Variants in LINGO2 observed in about 807,000 individuals in gnomAD.
The protein encoded by LINGO2 is leucine-rich repeat and immunoglobulin-like domain-containing nogo receptor-interacting protein 2.
LINGO2 carries 14 observed loss-of-function variants against 30.6 expected under a neutral mutation model. The ratio of observed to expected loss-of-function variants is 0.46; its 90% CI spans 0.30 to 0.72. The LOEUF (loss-of-function observed/expected upper bound fraction) is 0.72, where lower values mean the gene tolerates loss of function less well. Ranked by LOEUF, LINGO2 falls within the 30% of genes least tolerant of loss-of-function variation. LINGO2 has a pLI of 0.07. For missense variants in LINGO2, 729 were observed against 751.7 expected, an observed-to-expected ratio of 0.97 and a Z score of 0.35; for synonymous variants, 317 against 288.5, an observed-to-expected ratio of 1.10 and a Z score of -1.00.
chr9:28,876,841 G>A, the LINGO2 span, among the ~76,000 whole-genome samples: 1 of 151,898 alleles, frequency 6.6e-6, no homozygotes, highest in Non-Finnish European at 1.5e-5. Flanking sequence ...CTTCCACAAT[G>A]GTTGAACTAG....
chr9:28,032,042 G>T (rs74894939), intron 4 of LINGO2, among the ~76,000 whole-genome samples: 44 of 97,228 alleles, frequency 4.5e-4, no homozygotes, highest in East Asian at 2.0e-3. Context: ...AATGAGGGGT[G>T]GGGGGGGAAA....
At chr9:29,163,861 A>C in the LINGO2 span, among the ~76,000 whole-genome samples, 67 of 152,132 alleles carry the variant, frequency 4.4e-4, no homozygotes, top group African/African-American at 1.6e-3. Flanking sequence ...CCCATCTTAC[A>C]TGTTACTCTA....
chr9:29,184,991 G>A, the LINGO2 span, among the ~76,000 whole-genome samples: 9 of 152,012 alleles, frequency 5.9e-5, no homozygotes. Context: ...TCTTTTCATT[G>A]TTGTTGTTGT....
the LINGO2 span, among the ~76,000 whole-genome samples, chr9:28,854,579 C>T: frequency 6.6e-6 from 1 of 151,856 alleles, no homozygotes; most frequent in South Asian, 2.1e-4. Context: ...GGTAGTATCC[C>T]TTAGCCACAA....
At chr9:28,558,227 C>T (rs1822854608) in intron 1 of LINGO2, among the ~76,000 whole-genome samples, 3 of 150,316 alleles carry the variant, frequency 2.0e-5, no homozygotes, top group Non-Finnish European at 3.0e-5. Flanking sequence ...TAGCTGATTT[C>T]GTTCTACTTA....
At chr9:28,426,172 T>C (rs1823402562) in intron 2 of LINGO2, among the ~76,000 whole-genome samples, 1 of 151,922 alleles carries the variant, frequency 6.6e-6, no homozygotes, top group African/African-American at 2.4e-5. Flanking sequence ...CTTGCTACAA[T>C]ACAACGACAA....
chr9:28,064,465 A>G (rs565697393), intron 4 of LINGO2, among the ~76,000 whole-genome samples: 1 of 152,234 alleles, frequency 6.6e-6, no homozygotes, highest in East Asian at 1.9e-4. Flanking sequence ...GTAACCTAAT[A>G]AGCTCCAACT....
chr9:28,420,658 T>A (rs1370927332), intron 2 of LINGO2, among the ~76,000 whole-genome samples: 1 of 152,090 alleles, frequency 6.6e-6, no homozygotes, highest in African/African-American at 2.4e-5. Flanking sequence ...TATAGTACCA[T>A]TTGTTCTCTA....
At chr9:28,283,986 C>T (rs1256176254) in intron 4 of LINGO2, among the ~76,000 whole-genome samples, 1 of 152,010 alleles carries the variant, frequency 6.6e-6, no homozygotes. Context: ...TACAATGTTC[C>T]ATTTGCTCAC....
the LINGO2 span, among the ~76,000 whole-genome samples, chr9:29,183,739 C>A: frequency 6.6e-6 from 1 of 152,084 alleles, no homozygotes; most frequent in South Asian, 2.1e-4. Flanking sequence ...GTTCTGTTCA[C>A]ATAAAGTCCC....
chr9:28,865,044 C>A, the LINGO2 span, among the ~76,000 whole-genome samples: 1 of 151,886 alleles, frequency 6.6e-6, no homozygotes, highest in Non-Finnish European at 1.5e-5. Flanking sequence ...TAAGGGAATA[C>A]CATATATAAG....
the LINGO2 span, among the ~76,000 whole-genome samples, chr9:29,028,513 C>T: frequency 6.6e-5 from 10 of 151,796 alleles, no homozygotes; most frequent in Non-Finnish European, 1.3e-4. Flanking sequence ...TTCAGTTATC[C>T]TTTGAAATGT....
At chr9:28,372,662 G>A (rs2134578254) in intron 3 of LINGO2, among the ~76,000 whole-genome samples, 174 bp downstream of exon 5, 1 of 152,150 alleles carries the variant, frequency 6.6e-6, no homozygotes, top group Non-Finnish European at 1.5e-5. Flanking sequence ...TTGCTAAGAG[G>A]ATAAATTTCA....
At position 28,352,159 on chromosome 9, in the gene LINGO2, G is replaced by A. The variant is rs1433154630; in HGVS notation, c.-246+20677C>T. Among the ~76,000 whole-genome samples the A allele has an allele frequency of 1.6e-4, 24 of 151,780 alleles. No individual in the cohort carries two copies. In the East Asian group the frequency reaches 4.5e-3, roughly 28 times the overall value. On this transcript the variant is annotated intron_variant, in intron 3 of 5. Coordinates refer to ENST00000379992, the Ensembl canonical transcript of LINGO2. ...TTGGAAGTTCTGGCCAGGGCTATTA[G>A]GCAGGAGAAGGAAATAAAGGGTATT...
chr9:27,991,323 C>G (rs1295024858), intron 5 of LINGO2, among the ~76,000 whole-genome samples: 1 of 152,032 alleles, frequency 6.6e-6, no homozygotes, highest in Admixed American at 6.6e-5. Flanking sequence ...AGTAATTTTT[C>G]TCTCCCGGAT....
At chr9:28,811,697 T>A in the LINGO2 span, among the ~76,000 whole-genome samples, 27 of 152,290 alleles carry the variant, frequency 1.8e-4, no homozygotes, top group Middle Eastern at 3.4e-3. Context: ...CATTCTAAAT[T>A]TAGCTTAAAT....
chr9:28,814,968 G>C, the LINGO2 span, among the ~76,000 whole-genome samples: 1 of 152,164 alleles, frequency 6.6e-6, no homozygotes, highest in Non-Finnish European at 1.5e-5. Context: ...TGGTTAGAAA[G>C]TGTCCCTAAA....
chr9:28,444,791 T>C (rs1824358256), intron 2 of LINGO2, among the ~76,000 whole-genome samples: 1 of 152,180 alleles, frequency 6.6e-6, no homozygotes, highest in African/African-American at 2.4e-5. Context: ...CCTGGCTGTG[T>C]GCAGTAGTCA....
chr9:27,949,483 G>C, exon 6 of LINGO2: 1 of 1,614,114 alleles, frequency 6.2e-7, no homozygotes, highest in South Asian at 1.1e-5. Flanking sequence ...GCAGTGCTAT[G>C]GAAATCCTTG....
Sources: allele counts gnomAD v4.1 joint callset (sites outside exome capture counted in the v4.1 genomes callset), GRCh38; gene constraint gnomAD v4.1.1; transcripts MANE v1.5; gene names NCBI Gene and HGNC (gene_info 2026-07-23, HGNC 2026-07-21).